Variants in RXFP2 observed in about 807,000 individuals in gnomAD.
RXFP2 encodes the protein relaxin receptor 2.
In RXFP2, 68 loss-of-function variants were observed where a neutral mutation model predicts 88.6. The observed-to-expected ratio is 0.77, with a 90% CI of 0.63 to 0.94. The LOEUF (loss-of-function observed/expected upper bound fraction) is 0.94. Ranked by LOEUF, RXFP2 falls within the 40% of genes least tolerant of loss-of-function variation. RXFP2 has a pLI of 0.00. For synonymous variants in RXFP2, 329 were observed against 306.8 expected, an observed-to-expected ratio of 1.07 and a Z score of -0.76; for missense variants, 791 against 893.9, an observed-to-expected ratio of 0.88 and a Z score of 1.47.
chr13:31,753,512 G>A (rs769328374), intron 1 of RXFP2, among the ~76,000 whole-genome samples: 13 of 152,034 alleles, frequency 8.6e-5, no homozygotes, highest in East Asian at 1.9e-4. Context: ...GCTACCATGC[G>A]GGCATCCTCC....
chr13:31,774,671 AT>A lies in RXFP2; in HGVS notation c.551del (p.Leu184TyrfsTer28). On this transcript the variant is annotated frameshift_variant, in exon 6 of 18. Coordinates refer to ENST00000298386, the MANE Select transcript of RXFP2 (RefSeq NM_130806.5). LOFTEE classifies it high-confidence loss of function. ...RHISRKAFFG[L>X]CNLQILYLNH... ...ACATATCCAGGAAAGCATTTTTTGG[AT>A]TATGTAATCTGCAAATATTGTGAGT... is the stretch of plus-strand genomic sequence containing the variant. The A allele has an allele frequency of 6.5e-7, 1 of 1,542,714 alleles. No individual in the cohort carries two copies. The highest frequency in any genetic ancestry group is 9.0e-7 in the Non-Finnish European group (1 of 1,115,124).
At chr13:31,748,123 G>A (rs1027297440) in intron 1 of RXFP2, among the ~76,000 whole-genome samples, 10 of 152,226 alleles carry the variant, frequency 6.6e-5, no homozygotes, top group South Asian at 4.2e-4. Context: ...ATGTTTATCC[G>A]TTTTATTTTT....
chr13:31,750,434 A>T (rs1266739169), intron 1 of RXFP2, among the ~76,000 whole-genome samples: 1 of 152,208 alleles, frequency 6.6e-6, no homozygotes, highest in African/African-American at 2.4e-5. Context: ...TCAGAGTTTT[A>T]AAATCATCCT....
Position 31,802,570 on chromosome 13 carries a change from A to G in RXFP2, c.*165A>G, listed in dbSNP as rs1874406220. 9 of 785,140 alleles carry G rather than the reference A, an allele frequency of 1.1e-5. No homozygotes were observed. Among genetic ancestry groups the G allele is most frequent in the Middle Eastern group, 7.4e-4 (2 of 2,688 alleles). The allele number at this position is 785,140 out of a possible 1,614,324, so 48.6% of individuals were successfully genotyped here. A position where few individuals can be genotyped will look rare whatever the true frequency, so the allele number is the denominator to read the frequency against. Reference sequence around the variant, plus strand: ...ACTGCATTCCAATGGCAGCTGTACTATCTACCAACCATGCTGAGGACAGCA... The same window carrying G: ...ACTGCATTCCAATGGCAGCTGTACTGTCTACCAACCATGCTGAGGACAGCA... On this transcript the variant is annotated 3_prime_UTR_variant, in exon 18 of 18. Transcript: ENST00000298386.
chr13:31,776,885 G>C (rs1021330269), intron 7 of RXFP2, among the ~76,000 whole-genome samples: 1 of 152,168 alleles, frequency 6.6e-6, no homozygotes, highest in Non-Finnish European at 1.5e-5. Context: ...CACCCAGAAA[G>C]CTCCTTATGA....
intron 7 of RXFP2, among the ~76,000 whole-genome samples, chr13:31,775,967 G>A (rs938242530): frequency 6.6e-6 from 1 of 152,226 alleles, no homozygotes; most frequent in African/African-American, 2.4e-5. Context: ...GAAAAAGCCA[G>A]GGCCTCAACT....
At chr13:31,801,123 A>G (rs1874318058) in intron 17 of RXFP2, among the ~76,000 whole-genome samples, 1 of 152,182 alleles carries the variant, frequency 6.6e-6, no homozygotes, top group South Asian at 2.1e-4. Flanking sequence ...GAACAAAATA[A>G]CAGTGGCTGA....
chr13:31,767,962 C>T (rs537736697), intron 5 of RXFP2, among the ~76,000 whole-genome samples: 3 of 152,242 alleles, frequency 2.0e-5, no homozygotes, highest in African/African-American at 4.8e-5. Flanking sequence ...TCTCAGGCCA[C>T]GTCCTTCCTT....
chr13:31,778,880 C>A (rs1410622151), intron 9 of RXFP2, among the ~76,000 whole-genome samples: 1 of 152,140 alleles, frequency 6.6e-6, no homozygotes, highest in Admixed American at 6.6e-5. Context: ...ATTCCCTAAG[C>A]ATATTGTTCC....
chr13:31,791,440 G>A (rs1233463075), intron 14 of RXFP2, among the ~76,000 whole-genome samples: 1 of 152,110 alleles, frequency 6.6e-6, no homozygotes, highest in Non-Finnish European at 1.5e-5. Context: ...CCAAGCCCAA[G>A]CCCCTGAAAG....
Position 31,757,728 on chromosome 13 carries a change from G to A in RXFP2, c.95-530G>A, listed in dbSNP as rs573353410. On this transcript the variant is annotated intron_variant, in intron 1 of 17. Coordinates refer to ENST00000298386, the MANE Select transcript of RXFP2 (RefSeq NM_130806.5). ...TGGTTTTGTTTATGATTACCTTGTG[G>A]AAGTGAATTCAAAATGAACCTGGAT... Among the ~76,000 whole-genome samples, 3 of 152,288 alleles carry A rather than the reference G, an allele frequency of 2.0e-5. No homozygotes were observed. In the South Asian group the frequency reaches 6.2e-4, roughly 32 times the overall value.
At chr13:31,781,163 T>A (rs551953758) in intron 9 of RXFP2, among the ~76,000 whole-genome samples, 1 of 152,252 alleles carries the variant, frequency 6.6e-6, no homozygotes, top group African/African-American at 2.4e-5. Context: ...GATATAATGA[T>A]CAATGACGCC....
At chr13:31,757,622 C>A (rs891906575) in intron 1 of RXFP2, among the ~76,000 whole-genome samples, 1 of 152,160 alleles carries the variant, frequency 6.6e-6, no homozygotes, top group Non-Finnish European at 1.5e-5. Context: ...ACCCATTTGA[C>A]CTTATTAGCT....
intron 10 of RXFP2, 50 bp downstream of exon 10, chr13:31,781,792 G>T (rs748416451): frequency 2.1e-6 from 3 of 1,462,260 alleles, no homozygotes; most frequent in Non-Finnish European, 2.9e-6. Context: ...TATATATTTG[G>T]AAGTTAAAAA....
chr13:31,801,243 T>C (rs997435978), intron 17 of RXFP2, among the ~76,000 whole-genome samples: 1 of 152,096 alleles, frequency 6.6e-6, no homozygotes, highest in East Asian at 1.9e-4. Context: ...TTCCTTGAAA[T>C]TGTGAAGATG....
chr13:31,778,183 A>G (rs1309368953), intron 8 of RXFP2, among the ~76,000 whole-genome samples: 1 of 152,190 alleles, frequency 6.6e-6, no homozygotes, highest in Non-Finnish European at 1.5e-5. Flanking sequence ...ACTGGAAATG[A>G]TTACAACGTG....
At chr13:31,795,547 A>G (rs1203403725) in intron 16 of RXFP2, among the ~76,000 whole-genome samples, 1 of 152,100 alleles carries the variant, frequency 6.6e-6, no homozygotes, top group African/African-American at 2.4e-5. Flanking sequence ...CGCTTAACTA[A>G]ATTTTTTGGA....
At chr13:31,794,039 C>G (rs1289309280) in intron 16 of RXFP2, among the ~76,000 whole-genome samples, 3 of 152,100 alleles carry the variant, frequency 2.0e-5, no homozygotes, top group Admixed American at 6.5e-5. Flanking sequence ...CTGTGTACAC[C>G]TCCACTCAGA....
chr13:31,742,277 G>A (rs550913887), intron 1 of RXFP2, among the ~76,000 whole-genome samples: 1 of 152,252 alleles, frequency 6.6e-6, no homozygotes, highest in South Asian at 2.1e-4. Context: ...ATTTTGAGGG[G>A]AGCAGTGTTT....
Sources: gnomAD v4.1 joint callset for allele counts (sites outside exome capture counted in the v4.1 genomes callset) on GRCh38, gnomAD v4.1.1 for gene constraint, MANE v1.5 for transcripts, NCBI Gene and HGNC (gene_info 2026-07-23, HGNC 2026-07-21) for gene names.